ZNF718: variants seen among roughly 807,000 people sequenced by gnomAD.
ZNF718 encodes zinc finger protein 718.
In ZNF718, 3 loss-of-function variants were observed where a neutral mutation model predicts 2.6. That is an observed-to-expected ratio of 1.16 (90% CI 0.53 to 3.01). The LOEUF is 3.01. Among genes scored for constraint, ZNF718 ranks in the 30% most tolerant of loss-of-function variants. ZNF718 has a pLI of 0.03. For missense variants in ZNF718, 468 were observed against 230.0 expected (o/e 2.03, Z -6.69); for synonymous variants, 135 against 77.9 (o/e 1.73, Z -3.86).
intron 3 of ZNF718, among the ~76,000 whole-genome samples, chr4:180,060 G>A (rs1323937815): frequency 7.9e-5 from 12 of 152,124 alleles, no homozygotes; most frequent in Non-Finnish European, 1.0e-4. Context: ...TTTTAAAAGT[G>A]CTATAAATTA....
At chr4:178,689 C>T (rs916495471) in intron 3 of ZNF718, among the ~76,000 whole-genome samples, 18 of 152,122 alleles carry the variant, frequency 1.2e-4, no homozygotes, top group Admixed American at 1.2e-3. Flanking sequence ...TTTGCATAGC[C>T]TTTTTAAAGA....
At chr4:181,975 T>C (rs1717474584) in intron 3 of ZNF718, among the ~76,000 whole-genome samples, 1 of 152,206 alleles carries the variant, frequency 6.6e-6, no homozygotes. Flanking sequence ...TCTATCCATG[T>C]CACTGCAAAG....
Position 133,213 on chromosome 4 carries a change from T to C in ZNF718, c.226+1708T>C, listed in dbSNP as rs1370235637. Among the ~76,000 whole-genome samples, 49 of 24,408 alleles carry C rather than the reference T, an allele frequency of 2.0e-3. 17 individuals carry two copies. Among genetic ancestry groups the C allele is most frequent in the African/African-American group, 9.5e-3 (49 of 5,150 alleles). 16.0% of individuals were successfully genotyped at this position (24,408 alleles called of 152,430 possible). ...AAAAAAAAATATATATATATATATATATATATATATATATATGGTAACACT... is the reference window on the plus strand; with the variant it reads ...AAAAAAAAATATATATATATATATACATATATATATATATATGGTAACACT... On this transcript the variant is annotated intron_variant, in intron 3 of 3. Coordinates refer to ENST00000510175, the MANE Select transcript of ZNF718 (RefSeq NM_001039127.6).
chr4:124,606 C>A lies in ZNF718; in HGVS notation c.-65C>A. 1 of 1,599,024 alleles carries A rather than the reference C, an allele frequency of 6.3e-7. No individual in the cohort carries two copies. On this transcript the variant is annotated 5_prime_UTR_variant, in exon 1 of 4. Transcript: ENST00000510175. ...TCTGCCACAGCCTCAGCCTCTGTGG[C>A]TCTGTGACCTGCCGGTATTGGATGA...
At chr4:176,589 T>C (rs1717349967) in intron 3 of ZNF718, among the ~76,000 whole-genome samples, 1 of 152,164 alleles carries the variant, frequency 6.6e-6, no homozygotes. Flanking sequence ...TCTCTACTTA[T>C]CACCCCCAAT....
At chr4:200,888 A>G (rs1717886125) in intron 3 of ZNF718, among the ~76,000 whole-genome samples, 1 of 152,226 alleles carries the variant, frequency 6.6e-6, no homozygotes, top group Admixed American at 6.5e-5. Context: ...CCACAGAACT[A>G]TCATCCCATG....
intron 3 of ZNF718, among the ~76,000 whole-genome samples, chr4:145,090 C>G (rs1335265009): frequency 6.6e-6 from 1 of 151,394 alleles, no homozygotes; most frequent in Non-Finnish European, 1.5e-5. Flanking sequence ...GAGTAGAGCT[C>G]TCATAACCTA....
chr4:184,213 A>G (rs1239224714), intron 3 of ZNF718, among the ~76,000 whole-genome samples: 1 of 152,142 alleles, frequency 6.6e-6, no homozygotes, highest in Non-Finnish European at 1.5e-5. Context: ...AGTTTTTAAC[A>G]TGAAGGATGT....
chr4:147,460 T>C (rs1453990553), intron 3 of ZNF718, among the ~76,000 whole-genome samples: 2 of 152,124 alleles, frequency 1.3e-5, no homozygotes, highest in African/African-American at 2.4e-5. Context: ...TGGAGCCAGG[T>C]CATGTAACTA....
intron 3 of ZNF718, among the ~76,000 whole-genome samples, chr4:157,728 GT>G (rs1716639613): frequency 6.6e-6 from 1 of 152,004 alleles, no homozygotes; most frequent in Non-Finnish European, 1.5e-5. Flanking sequence ...AAAAAAATTT[GT>G]TGAGGGTCTT....
intron 3 of ZNF718, among the ~76,000 whole-genome samples, chr4:143,908 C>A (rs552328482): frequency 1.3e-5 from 2 of 152,020 alleles, no homozygotes; most frequent in South Asian, 2.1e-4. Flanking sequence ...AGAAAAAGAC[C>A]GTTGACCCCC....
chr4:188,790 C>T (rs1241697068), intron 3 of ZNF718, among the ~76,000 whole-genome samples: 3 of 152,060 alleles, frequency 2.0e-5, no homozygotes, highest in Non-Finnish European at 4.4e-5. Flanking sequence ...TCACTCACCC[C>T]TATTCTTGGC....
At chr4:164,528 T>C (rs1269169530), downstream of ZNF718, among the ~76,000 whole-genome samples, 4 of 152,168 alleles carry the variant, frequency 2.6e-5, no homozygotes, top group African/African-American at 7.2e-5. Context: ...GCTAGTGATA[T>C]AATTCACTTG....
At chr4:126,849 C>T (rs1404466885) in intron 1 of ZNF718, among the ~76,000 whole-genome samples, 1 of 146,866 alleles carries the variant, frequency 6.8e-6, no homozygotes, top group Admixed American at 6.9e-5. Context: ...TTTTTTAAGA[C>T]GGAGTCTTCG....
downstream of ZNF718, among the ~76,000 whole-genome samples, chr4:168,149 C>T (rs145295123): frequency 1.5e-4 from 23 of 152,212 alleles, no homozygotes; most frequent in African/African-American, 4.8e-4. Flanking sequence ...TGCTGGATTA[C>T]GTTTATTGAT....
intron 3 of ZNF718, among the ~76,000 whole-genome samples, chr4:180,628 C>T (rs1553819710): frequency 6.6e-6 from 1 of 152,198 alleles, no homozygotes; most frequent in Non-Finnish European, 1.5e-5. Context: ...TGATGTGCAT[C>T]ACACTGTGTT....
At position 162,504 on chromosome 4, in the gene ZNF718, A is replaced by T. The variant is rs1716939448; in HGVS notation, c.*382A>T. The T allele has an allele frequency of 6.2e-6, 1 of 161,938 alleles. No homozygotes were observed. 10.0% of individuals were successfully genotyped at this position (161,938 alleles called of 1,614,324 possible). The stretch of plus-strand genomic sequence containing the variant: ...ACTCATGTGTTACTAAATATCAGAG[A>T]GTTTGTACTTAATAAAAGGATTATA... On this transcript the variant is annotated 3_prime_UTR_variant, in exon 4 of 4. Transcript: ENST00000510175.
chr4:134,930 G>A (rs1405953051), intron 3 of ZNF718, among the ~76,000 whole-genome samples: 1 of 151,960 alleles, frequency 6.6e-6, no homozygotes, highest in East Asian at 1.9e-4. Flanking sequence ...ATCTGAGACA[G>A]GTCTCAGTTA....
chr4:141,720 A>G (rs1190068383), intron 3 of ZNF718, among the ~76,000 whole-genome samples: 1 of 152,244 alleles, frequency 6.6e-6, no homozygotes, highest in Non-Finnish European at 1.5e-5. Flanking sequence ...AATTATAATT[A>G]TGGTTATTAT....
Sources: gnomAD v4.1 joint callset for allele counts (sites outside exome capture counted in the v4.1 genomes callset) on GRCh38, gnomAD v4.1.1 for gene constraint, MANE v1.5 for transcripts, NCBI Gene and HGNC (gene_info 2026-07-23, HGNC 2026-07-21) for gene names.